The following CBFA2T3 variants were observed in gnomAD, a reference collection of about 807,000 sequenced individuals.
CBFA2T3 encodes transcriptional corepressor CBFA2T3.
CBFA2T3 carries 31 observed loss-of-function variants against 58.6 expected under a neutral mutation model. The observed-to-expected ratio is 0.53, with a 90% CI of 0.40 to 0.71. The LOEUF is 0.71. Ranked by LOEUF, CBFA2T3 falls within the 30% of genes least tolerant of loss-of-function variation. The pLI is 0.00. For synonymous variants in CBFA2T3, 531 were observed against 421.9 expected (o/e 1.26, Z -3.17); for missense variants, 1,076 against 963.1 (o/e 1.12, Z -1.55).
chr16:88,963,638 C>G (rs1191539177), intron 1 of CBFA2T3, among the ~76,000 whole-genome samples: 1 of 152,238 alleles, frequency 6.6e-6, no homozygotes, highest in Non-Finnish European at 1.5e-5. Flanking sequence ...CGTATGCGGC[C>G]TCTTGGCTCT....
At chr16:88,960,230 G>A (rs1295225303) in intron 1 of CBFA2T3, among the ~76,000 whole-genome samples, 2 of 152,092 alleles carry the variant, frequency 1.3e-5, no homozygotes, top group Non-Finnish European at 2.9e-5. Flanking sequence ...TGCTGGGCTG[G>A]GAGGGCAGGG....
At chr16:88,933,860 T>G (rs1050731085) in intron 1 of CBFA2T3, among the ~76,000 whole-genome samples, 2 of 151,960 alleles carry the variant, frequency 1.3e-5, no homozygotes. Flanking sequence ...CTCTGTGCAG[T>G]ACAGCAGCCG....
chr16:88,934,146 C>T (rs150020261), intron 1 of CBFA2T3, among the ~76,000 whole-genome samples: 11 of 133,820 alleles, frequency 8.2e-5, no homozygotes, highest in Non-Finnish European at 1.4e-4. Flanking sequence ...TGGGAGAGGC[C>T]GCCCCTCGGC....
intron 10 of CBFA2T3, among the ~76,000 whole-genome samples, chr16:88,880,399 T>C (rs1969019009): frequency 6.6e-6 from 1 of 152,216 alleles, no homozygotes; most frequent in South Asian, 2.1e-4. Flanking sequence ...CTGCCCGGAC[T>C]CTGGCCCCGC....
In CBFA2T3 at chr16:88,901,658, T is replaced by A. The variant is rs1473720791; in HGVS notation, c.152-2A>T. ...CCTTAGCTTTCCTGTCCACTGGGGC[T>A]GCGACCAACGGAGAAAGAAAGAGTC... On this transcript the variant is annotated splice_acceptor_variant, in intron 1 of 11. Transcript: ENST00000268679. LOFTEE classifies it high-confidence loss of function. 1 of 1,525,526 alleles carries A rather than the reference T, an allele frequency of 6.6e-7. No individual in the cohort carries two copies. Among genetic ancestry groups the A allele is most frequent in the Non-Finnish European group, 8.7e-7 (1 of 1,149,058 alleles). 94.5% of individuals were successfully genotyped at this position (1,525,526 alleles called of 1,614,324 possible).
intron 1 of CBFA2T3, among the ~76,000 whole-genome samples, chr16:88,975,069 C>A (rs865962747): frequency 3.2e-5 from 4 of 124,530 alleles, no homozygotes; most frequent in Non-Finnish European, 7.1e-5. Flanking sequence ...TAAGCAGGGG[C>A]TCCCTGGGGG....
At chr16:88,935,623 G>A (rs991138762) in intron 1 of CBFA2T3, among the ~76,000 whole-genome samples, 2 of 152,238 alleles carry the variant, frequency 1.3e-5, no homozygotes, top group Non-Finnish European at 2.9e-5. Flanking sequence ...GGCTGTGCCA[G>A]AGTCTGACCA....
chr16:88,876,926 T>A lies in CBFA2T3; in HGVS notation c.*50A>T, dbSNP rs1968853186. The A allele has an allele frequency of 3.0e-6, 4 of 1,320,442 alleles. No individual in the cohort carries two copies. The East Asian group carries it at 1.2e-4, about 39-fold the overall frequency. The allele number at this position is 1,320,442 out of a possible 1,614,324, so 81.8% of individuals were successfully genotyped here. On this transcript the variant is annotated 3_prime_UTR_variant, in exon 12 of 12. Transcript: ENST00000268679. The stretch of plus-strand genomic sequence containing the variant: ...GCACAGCATCCGGTGGGCCTGGAGC[T>A]GGGTGGGGTTGGCACGGTGCTGTGT...
intron 3 of CBFA2T3, 79 bp downstream of exon 3, chr16:88,897,999 G>T: frequency 9.5e-7 from 1 of 1,048,238 alleles, no homozygotes; most frequent in Non-Finnish European, 1.5e-6. Flanking sequence ...AGCGCCCCCA[G>T]GGCAGCAGTG....
chr16:88,903,441 C>T (rs1970177764), intron 1 of CBFA2T3, among the ~76,000 whole-genome samples: 1 of 152,146 alleles, frequency 6.6e-6, no homozygotes, highest in Non-Finnish European at 1.5e-5. Flanking sequence ...CCTCGCGGCA[C>T]CTGCTGTCCC....
At chr16:88,901,012 C>A (rs1456373877) in intron 2 of CBFA2T3, among the ~76,000 whole-genome samples, 2 of 152,248 alleles carry the variant, frequency 1.3e-5, no homozygotes, top group Non-Finnish European at 2.9e-5. Flanking sequence ...AGATCTGAGC[C>A]CCTCCAAGGC....
intron 3 of CBFA2T3, among the ~76,000 whole-genome samples, chr16:88,893,068 C>T (rs1045798928): frequency 2.6e-5 from 4 of 152,184 alleles, no homozygotes; most frequent in Non-Finnish European, 5.9e-5. Flanking sequence ...GCACAGGAGA[C>T]TTGGAAAATG....
chr16:88,934,435 G>A (rs931479572), intron 1 of CBFA2T3, among the ~76,000 whole-genome samples: 3 of 152,268 alleles, frequency 2.0e-5, no homozygotes, highest in South Asian at 2.1e-4. Context: ...GCAGAGGCAC[G>A]GTGGGGACAC....
Position 88,875,233 on chromosome 16 carries a change from G to A in CBFA2T3, c.*1743C>T, listed in dbSNP as rs971073494. On this transcript the variant is annotated 3_prime_UTR_variant, in exon 12 of 12. Transcript: ENST00000268679. ...GCCACACGCACAGATGCCAGGCTGCGGGCCGTGCCTGCTGTCTGTCCTTGT... is the reference window on the plus strand; with the variant it reads ...GCCACACGCACAGATGCCAGGCTGCAGGCCGTGCCTGCTGTCTGTCCTTGT... The A allele has an allele frequency of 5.6e-5, 13 of 233,768 alleles. No homozygotes were observed. The highest frequency in any genetic ancestry group is 6.0e-5 in the East Asian group (1 of 16,606). The allele number at this position is 233,768 out of a possible 1,614,324, so 14.5% of individuals were successfully genotyped here.
Position 88,911,564 on chromosome 16 carries a change from T to G in CBFA2T3, c.152-9908A>C, listed in dbSNP as rs188319752. 3.6e-3 allele frequency among the ~76,000 whole-genome samples: 555 copies of G among 152,354 alleles called. 1 individual carries two copies. Among genetic ancestry groups the G allele is most frequent in the African/African-American group, 0.013 (531 of 41,586 alleles). The stretch of plus-strand genomic sequence containing the variant: ...CGCCCTCTCCCTGCAGGAACGGAGT[T>G]GGCTTTTCCGTCTCCTAATCTGGCC... On this transcript the variant is annotated intron_variant, in intron 1 of 11. Coordinates refer to ENST00000268679, the MANE Select transcript of CBFA2T3 (RefSeq NM_005187.6).
At chr16:88,883,646 C>A (rs1196465535) in intron 7 of CBFA2T3, 2 of 151,806 alleles carry the variant, frequency 1.3e-5, no homozygotes, top group Non-Finnish European at 2.9e-5. Context: ...CCGGCAGTGG[C>A]CGACTCTTCT....
chr16:88,882,803 C>T (rs1483505260), intron 7 of CBFA2T3, 42 bp from the exon 8 acceptor site: 1 of 1,311,964 alleles, frequency 7.6e-7, no homozygotes, highest in East Asian at 2.5e-5. Flanking sequence ...CACCCACAGC[C>T]AGTCTCTGCC....
intron 1 of CBFA2T3, among the ~76,000 whole-genome samples, chr16:88,973,152 C>T (rs1480753702): frequency 1.3e-5 from 2 of 152,254 alleles, no homozygotes; most frequent in African/African-American, 4.8e-5. Context: ...TGATGGGGCA[C>T]CTCCCATAAC....
intron 1 of CBFA2T3, among the ~76,000 whole-genome samples, chr16:88,920,616 C>T (rs986780962): frequency 1.2e-4 from 19 of 152,328 alleles, no homozygotes; most frequent in African/African-American, 3.4e-4. Flanking sequence ...ATTCAAACTC[C>T]AACGGCCACA....
Sources: allele counts gnomAD v4.1 joint callset (sites outside exome capture counted in the v4.1 genomes callset), GRCh38; gene constraint gnomAD v4.1.1; transcripts MANE v1.5; gene names NCBI Gene and HGNC (gene_info 2026-07-23, HGNC 2026-07-21).